PPFIA2: variants seen among roughly 807,000 people sequenced by gnomAD.
The protein encoded by PPFIA2 is PPFI scaffold protein A2, also known as liprin-alpha-2.
In PPFIA2, 46 loss-of-function variants were observed where a neutral mutation model predicts 175.5. That is an observed-to-expected ratio of 0.26 (90% CI 0.21 to 0.34). PPFIA2 has a LOEUF of 0.34. Among genes scored for constraint, PPFIA2 ranks in the 10% least tolerant of loss-of-function variants. The pLI is 1.00. For missense variants in PPFIA2, 1,179 were observed against 1,506.1 expected, an observed-to-expected ratio of 0.78 and a Z score of 3.60; for synonymous variants, 568 against 511.4, an observed-to-expected ratio of 1.11 and a Z score of -1.49.
chr12:81,558,449 T>G (rs997458878), intron 4 of PPFIA2, among the ~76,000 whole-genome samples: 5 of 152,274 alleles, frequency 3.3e-5, no homozygotes, highest in South Asian at 2.1e-4. Context: ...ATTAGAAAAT[T>G]CAGGCAATCA....
intron 30 of PPFIA2, among the ~76,000 whole-genome samples, chr12:81,263,697 T>C (rs968304068): frequency 2.6e-5 from 4 of 152,220 alleles, no homozygotes; most frequent in Non-Finnish European, 4.4e-5. Context: ...ATATTGTATA[T>C]ACATTGTTCC....
rs1201789530 is a variant in PPFIA2, at chr12:81,370,715, A to G, written c.1267-1521T>C. On this transcript the variant is annotated intron_variant, in intron 11 of 32. Transcript: ENST00000549396. ...GTGACCGTCAGGTTACCACAGGTGC[A>G]GAGTGTTCAACACATGTGACATTGC... Among the ~76,000 whole-genome samples the G allele has an allele frequency of 2.0e-5, 3 of 151,912 alleles. No individual in the cohort carries two copies. In the East Asian group the frequency reaches 5.8e-4, roughly 29 times the overall value.
intron 4 of PPFIA2, among the ~76,000 whole-genome samples, chr12:81,540,971 G>A (rs1398105371): frequency 6.6e-6 from 1 of 151,864 alleles, no homozygotes; most frequent in Non-Finnish European, 1.5e-5. Flanking sequence ...TTTCCCCAGG[G>A]GTGCCTGCTA....
At chr12:81,452,435 A>G (rs1310562875) in intron 5 of PPFIA2, among the ~76,000 whole-genome samples, 2 of 151,838 alleles carry the variant, frequency 1.3e-5, no homozygotes, top group African/African-American at 4.8e-5. Flanking sequence ...TACTCAACCC[A>G]CTCCATATCT....
chr12:81,623,905 C>T (rs2062368274), intron 4 of PPFIA2, among the ~76,000 whole-genome samples: 1 of 151,864 alleles, frequency 6.6e-6, no homozygotes, highest in Non-Finnish European at 1.5e-5. Flanking sequence ...AAACACCCTA[C>T]AACAAAAAAT....
At chr12:81,664,874 A>C (rs368352068) in intron 4 of PPFIA2, among the ~76,000 whole-genome samples, 22 of 152,050 alleles carry the variant, frequency 1.4e-4, no homozygotes, top group Admixed American at 2.6e-4. Context: ...AGGATGAGTT[A>C]ATGTCCTTTG....
intron 17 of PPFIA2, among the ~76,000 whole-genome samples, chr12:81,349,577 T>TA (rs746039038): frequency 2.0e-5 from 3 of 151,968 alleles, no homozygotes; most frequent in South Asian, 2.1e-4. Context: ...AATAAAAATG[T>TA]AAAAAAAAGA....
chr12:81,543,914 C>T (rs2066591698), intron 4 of PPFIA2, among the ~76,000 whole-genome samples: 1 of 152,036 alleles, frequency 6.6e-6, no homozygotes, highest in African/African-American at 2.4e-5. Flanking sequence ...CTTCCCAACA[C>T]GTGACTAGTA....
In PPFIA2 at chr12:81,362,773, T is replaced by C; in HGVS notation, c.1557A>G (p.Ala519=). The change falls in exon 15 of 33, where the codon GCA becomes GCG. Residue 519 remains alanine, a synonymous_variant. Coordinates refer to ENST00000549396, the MANE Select transcript of PPFIA2 (RefSeq NM_003625.5). ...EESLHDKERL[A]EEIEKLRSEL... ...CAGATCTCAGCTTTTCAATTTCTTCTGCTAATCTTTCCTAAAAAATCAAAA... is the reference window on the plus strand; with the variant it reads ...CAGATCTCAGCTTTTCAATTTCTTCCGCTAATCTTTCCTAAAAAATCAAAA... 1 of 1,543,972 alleles carries C rather than the reference T, an allele frequency of 6.5e-7. No homozygotes were observed. The highest frequency in any genetic ancestry group is 8.8e-7 in the Non-Finnish European group (1 of 1,141,408).
chr12:81,337,078 T>C (rs1015699948), intron 21 of PPFIA2, among the ~76,000 whole-genome samples: 2 of 152,154 alleles, frequency 1.3e-5, no homozygotes, highest in African/African-American at 2.4e-5. Flanking sequence ...ATCATTTCCT[T>C]TGGTGCAAAT....
At chr12:81,291,103 T>A (rs1002466657) in intron 24 of PPFIA2, among the ~76,000 whole-genome samples, 19 of 151,906 alleles carry the variant, frequency 1.3e-4, no homozygotes, top group African/African-American at 4.6e-4. Flanking sequence ...AATGACAAGA[T>A]CTTCATCAAA....
intron 28 of PPFIA2, among the ~76,000 whole-genome samples, chr12:81,271,546 G>C (rs913994735): frequency 1.4e-4 from 21 of 152,144 alleles, no homozygotes; most frequent in Admixed American, 5.9e-4. Flanking sequence ...TGAGATTATA[G>C]GCATGAGCCA....
At chr12:81,722,187 A>T (rs1432253648) in intron 3 of PPFIA2, among the ~76,000 whole-genome samples, 3 of 151,000 alleles carry the variant, frequency 2.0e-5, no homozygotes, top group African/African-American at 7.3e-5. Flanking sequence ...ATTCAATGTG[A>T]CTCATTCCTC....
intron 4 of PPFIA2, among the ~76,000 whole-genome samples, chr12:81,459,945 G>A (rs1052355396): frequency 1.3e-5 from 2 of 152,072 alleles, no homozygotes; most frequent in African/African-American, 4.8e-5. Context: ...CAAGCCATAG[G>A]GAGTGAGTTA....
chr12:81,490,188 T>C (rs1433683950), intron 4 of PPFIA2, among the ~76,000 whole-genome samples: 1 of 151,952 alleles, frequency 6.6e-6, no homozygotes, highest in African/African-American at 2.4e-5. Flanking sequence ...ATAGGTTTAC[T>C]CGTGGAGTTT....
intron 17 of PPFIA2, among the ~76,000 whole-genome samples, chr12:81,349,836 T>C (rs1431862634): frequency 2.6e-5 from 4 of 152,012 alleles, no homozygotes; most frequent in African/African-American, 7.2e-5. Flanking sequence ...GGCAAATGAG[T>C]TTGAAGTAAT....
intron 2 of PPFIA2, among the ~76,000 whole-genome samples, chr12:81,756,810 CT>C (rs2084748656): frequency 6.6e-6 from 1 of 151,972 alleles, no homozygotes; most frequent in Non-Finnish European, 1.5e-5. Flanking sequence ...AATATTTTAC[CT>C]TTACGACTCA....
rs530261032 is a variant in PPFIA2 at position 81,357,439 on chromosome 12, A to T, written c.1773+643T>A. Among the ~76,000 whole-genome samples, 435 of 152,272 alleles carry T rather than the reference A, an allele frequency of 2.9e-3. 4 individuals are homozygous for T. The highest frequency in any genetic ancestry group is 3.6e-3 in the Non-Finnish European group (248 of 68,002). ...ATAAACTATGCTTAGGCACCAAAGG[A>T]CTATTTTACTTCTCTGTAAAATACA... On this transcript the variant is annotated intron_variant, in intron 16 of 32. Transcript: ENST00000549396.
rs552476485 is a variant in PPFIA2 at position 81,394,837 on chromosome 12, C to A, written c.763-10593G>T. 2.0e-5 allele frequency among the ~76,000 whole-genome samples: 3 copies of A among 151,582 alleles called. No individual in the cohort carries two copies. The East Asian group carries it at 5.8e-4, about 29-fold the overall frequency. On this transcript the variant is annotated intron_variant, in intron 8 of 32. Coordinates refer to ENST00000549396, the MANE Select transcript of PPFIA2 (RefSeq NM_003625.5). ...AAAAAAAAAAAACTGTCCATGAAATCCACTACTTTTGAAAGATGAGTATAT... is the reference window on the plus strand; with the variant it reads ...AAAAAAAAAAAACTGTCCATGAAATACACTACTTTTGAAAGATGAGTATAT...
Sources: allele counts gnomAD v4.1 joint callset (sites outside exome capture counted in the v4.1 genomes callset), GRCh38; gene constraint gnomAD v4.1.1; transcripts MANE v1.5; gene names NCBI Gene and HGNC (gene_info 2026-07-23, HGNC 2026-07-21).